The following LRRC47 variants were observed in gnomAD, a reference collection of about 807,000 sequenced individuals.
LRRC47 encodes leucine-rich repeat-containing protein 47.
Under a neutral mutation model 40.9 loss-of-function variants are expected in LRRC47, and 31 were observed. That is an observed-to-expected ratio of 0.76 (90% CI 0.57 to 1.02). LRRC47 has a LOEUF of 1.02. Among genes scored for constraint, LRRC47 ranks in the 50% least tolerant of loss-of-function variants. The probability of loss-of-function intolerance (pLI) is 0.00; values close to 1 mark genes in which losing one functional copy is unlikely to be tolerated. For missense variants in LRRC47, 726 were observed against 796.1 expected (o/e 0.91, Z 1.06); for synonymous variants, 427 against 371.9 (o/e 1.15, Z -1.70).
chr1:3,795,608 C>A (rs571399399), intron 1 of LRRC47, among the ~76,000 whole-genome samples: 1 of 152,322 alleles, frequency 6.6e-6, no homozygotes, highest in African/African-American at 2.4e-5. Flanking sequence ...GTGTAAAAGT[C>A]CAGTTAACAG....
intron 1 of LRRC47, among the ~76,000 whole-genome samples, chr1:3,795,053 CAAAAAAA>C (rs35186516): frequency 6.5e-5 from 4 of 61,618 alleles, no homozygotes; most frequent in African/African-American, 5.7e-5. Flanking sequence ...GACTACATCT[CAAAAAAA>C]AAAAAAAAAA....
In LRRC47 at chr1:3,787,105, C is replaced by A. The variant is rs201271967; in HGVS notation, c.821G>T (p.Gly274Val). Residue 274 changes from glycine (G) to valine (V), a missense_variant, in exon 2 of 7, where the codon GGC (glycine) becomes GTC (valine). Transcript: ENST00000378251. ...CCTCCGGCTCTCTTCCTTCTCCGAG[C>A]CCTCGGCACGGCCCTTGCCCTTCCC... is the stretch of plus-strand genomic sequence containing the variant. ...GGGKGKGRAE[G>V]SEKEESRRKR... 4 of 1,613,810 alleles carry A rather than the reference C, an allele frequency of 2.5e-6. No individual in the cohort carries two copies. The highest frequency in any genetic ancestry group is 3.4e-6 in the Non-Finnish European group (4 of 1,179,984).
chr1:3,781,028 A>C lies in LRRC47; in HGVS notation c.*60T>G. On this transcript the variant is annotated 3_prime_UTR_variant, in exon 7 of 7. Coordinates refer to ENST00000378251, the MANE Select transcript of LRRC47 (RefSeq NM_020710.3). ...GTGAAAATCTAACGGATAATTCAGCATTGCCGCATAGAAACCTCCGCAAAA... is the reference window on the plus strand; with the variant it reads ...GTGAAAATCTAACGGATAATTCAGCCTTGCCGCATAGAAACCTCCGCAAAA... 6.4e-7 allele frequency: 1 copy of C among 1,574,660 alleles called. No individual in the cohort carries two copies. The highest frequency in any genetic ancestry group is 1.2e-5 in the South Asian group (1 of 86,322).
chr1:3,795,406 G>A (rs1643664521), intron 1 of LRRC47, among the ~76,000 whole-genome samples: 2 of 152,244 alleles, frequency 1.3e-5, no homozygotes, highest in Non-Finnish European at 2.9e-5. Context: ...TTGGAAAGCT[G>A]CTATTAGGAT....
chr1:3,781,896 G>A (rs1039197295), intron 5 of LRRC47, among the ~76,000 whole-genome samples: 4 of 152,174 alleles, frequency 2.6e-5, no homozygotes, highest in East Asian at 1.9e-4. Context: ...TGGGAGGATC[G>A]CTTAAGCCCA....
At chr1:3,787,954 GC>G (rs1229558405) in intron 1 of LRRC47, among the ~76,000 whole-genome samples, 1 of 152,226 alleles carries the variant, frequency 6.6e-6, no homozygotes, top group African/African-American at 2.4e-5. Context: ...ACCACCGTGT[GC>G]CACAAAGATG....
chr1:3,795,918 C>A lies in LRRC47; in HGVS notation c.559G>T (p.Ala187Ser). The change falls in exon 1 of 7, where the codon GCT (alanine) becomes TCT (serine). Residue 187 changes from alanine (A) to serine (S), a missense_variant. Coordinates refer to ENST00000378251, the MANE Select transcript of LRRC47 (RefSeq NM_020710.3). ...CTGAGTTCTCGGAGGCAGTTGTCAG[C>A]AGCCGCCAGTTCACTGAGCAGGGGC... ...ALPLLSELAAADNCLRELSPD... is the reference protein window; with the variant it reads ...ALPLLSELAASDNCLRELSPD... 4 of 1,599,390 alleles carry A rather than the reference C, an allele frequency of 2.5e-6. No individual in the cohort carries two copies. Among genetic ancestry groups the A allele is most frequent in the Non-Finnish European group, 3.4e-6 (4 of 1,177,014 alleles).
chr1:3,795,993 C>T lies in LRRC47; in HGVS notation c.484G>A (p.Gly162Ser), dbSNP rs981457611. 3 of 1,569,592 alleles carry T rather than the reference C, an allele frequency of 1.9e-6. No individual in the cohort carries two copies. Among genetic ancestry groups the T allele is most frequent in the Non-Finnish European group, 1.7e-6 (2 of 1,159,180 alleles). The change falls in exon 1 of 7, where the codon GGC becomes AGC. Residue 162 changes from glycine (G) to serine (S), a missense_variant. Transcript: ENST00000378251. ...APRLQSLNLTGNCLDSFPAEL... is the reference protein window; with the variant it reads ...APRLQSLNLTSNCLDSFPAEL... ...GCGGGAAAGGAGTCTAGGCAATTGC[C>T]GGTGAGGTTGAGGCTCTGCAGGCGC...
At chr1:3,784,973 C>G in intron 3 of LRRC47, 114 bp downstream of exon 3, 1 of 624,148 alleles carries the variant, frequency 1.6e-6, no homozygotes, top group East Asian at 3.6e-5. Context: ...CCAGCCTGGG[C>G]AACAATGGAA....
chr1:3,785,748 CAGA>C (rs1557641698), intron 2 of LRRC47, among the ~76,000 whole-genome samples: 2 of 152,194 alleles, frequency 1.3e-5, no homozygotes, highest in African/African-American at 4.8e-5. Context: ...AAACAATTCA[CAGA>C]AGAATGTGCT....
chr1:3,790,059 G>C (rs1425120847), intron 1 of LRRC47, among the ~76,000 whole-genome samples: 1 of 152,214 alleles, frequency 6.6e-6, no homozygotes, highest in Non-Finnish European at 1.5e-5. Context: ...ACCCGGAGCT[G>C]ACACTCTACT....
intron 6 of LRRC47, 73 bp downstream of exon 6, chr1:3,781,439 G>C (rs552892606): frequency 1.9e-6 from 3 of 1,570,706 alleles, no homozygotes; most frequent in Non-Finnish European, 2.6e-6. Context: ...CAAGCAGGAC[G>C]GGTGGGAAGT....
intron 1 of LRRC47, among the ~76,000 whole-genome samples, chr1:3,790,089 C>A (rs1042157119): frequency 6.6e-6 from 1 of 152,238 alleles, no homozygotes; most frequent in Admixed American, 6.5e-5. Context: ...ACAACCCTCG[C>A]AGTGGCTAAG....
intron 4 of LRRC47, among the ~76,000 whole-genome samples, chr1:3,783,581 G>A (rs1224921653): frequency 6.6e-6 from 1 of 152,174 alleles, no homozygotes; most frequent in Non-Finnish European, 1.5e-5. Context: ...AAATCACTGG[G>A]CTAGTTACGG....
chr1:3,788,981 A>G (rs1229400909), intron 1 of LRRC47, among the ~76,000 whole-genome samples: 1 of 152,250 alleles, frequency 6.6e-6, no homozygotes, highest in Non-Finnish European at 1.5e-5. Flanking sequence ...CAGAACTGCC[A>G]CAATTCTGTG....
At chr1:3,785,498 T>C in intron 2 of LRRC47, 1 of 162,562 alleles carries the variant, frequency 6.2e-6, no homozygotes, top group Non-Finnish European at 1.3e-5. Flanking sequence ...GAACCCATCT[T>C]GAACTAAAAT....
intron 1 of LRRC47, among the ~76,000 whole-genome samples, chr1:3,793,187 T>C (rs1019523781): frequency 2.0e-5 from 3 of 151,768 alleles, no homozygotes; most frequent in African/African-American, 4.8e-5. Flanking sequence ...TCTTGGCTCA[T>C]TGCAACCTCC....
intron 2 of LRRC47, among the ~76,000 whole-genome samples, chr1:3,786,122 G>A (rs1009776657): frequency 3.3e-5 from 5 of 151,196 alleles, no homozygotes; most frequent in African/African-American, 7.3e-5. Context: ...CACCCACCTC[G>A]GCCTCCTGAA....
intron 1 of LRRC47, among the ~76,000 whole-genome samples, chr1:3,792,464 C>CCTTTT (rs1553156863): frequency 1.4e-5 from 2 of 142,418 alleles, no homozygotes; most frequent in African/African-American, 5.3e-5. Flanking sequence ...TGGACGCACA[C>CCTTTT]TTTTTTTTTT....
Sources: gnomAD v4.1 joint callset for allele counts (sites outside exome capture counted in the v4.1 genomes callset) on GRCh38, gnomAD v4.1.1 for gene constraint, MANE v1.5 for transcripts, NCBI Gene and HGNC (gene_info 2026-07-23, HGNC 2026-07-21) for gene names.